The following ABLIM3 variants were observed in gnomAD, a reference collection of about 807,000 sequenced individuals.
ABLIM3 encodes the protein actin-binding LIM protein 3.
In ABLIM3, 61 loss-of-function variants were observed where a neutral mutation model predicts 109.5. The observed-to-expected ratio is 0.56, with a 90% CI of 0.45 to 0.69. The LOEUF is 0.69. ABLIM3 is among the 30% of genes least tolerant of loss of function. The pLI is 0.00. For synonymous variants in ABLIM3, 300 were observed against 324.8 expected, an observed-to-expected ratio of 0.92 and a Z score of 0.82; for missense variants, 796 against 889.5, an observed-to-expected ratio of 0.89 and a Z score of 1.34.
intron 5 of ABLIM3, 40 bp downstream of exon 5, chr5:149,200,468 G>T (rs1758390218): frequency 1.3e-6 from 2 of 1,588,226 alleles, no homozygotes; most frequent in East Asian, 4.5e-5. Context: ...CCATGGGTGT[G>T]ATCTCTCTGG....
intron 3 of ABLIM3, among the ~76,000 whole-genome samples, chr5:149,188,849 A>G (rs57268762): frequency 0.05 from 7,613 of 152,298 alleles, 578 homozygotes; most frequent in African/African-American, 0.17. Flanking sequence ...CTTCTTTGCC[A>G]AAATTGATGG....
Position 149,258,968 on chromosome 5 carries a change from A to G in ABLIM3, c.*564A>G. 1 of 991,266 alleles carries G rather than the reference A, an allele frequency of 1.0e-6. No individual in the cohort carries two copies. Among genetic ancestry groups the G allele is most frequent in the Non-Finnish European group, 1.2e-6 (1 of 833,660 alleles). The allele number at this position is 991,266 out of a possible 1,614,324, so 61.4% of individuals were successfully genotyped here. A position where few individuals can be genotyped will look rare whatever the true frequency, so the allele number is the denominator to read the frequency against. ...GAGCCTCAAATCTAGTCATTACACC[A>G]GTCAACAGAAGTGGACAGGGCCTAG... On this transcript the variant is annotated 3_prime_UTR_variant, in exon 24 of 24. Transcript: ENST00000309868.
intron 8 of ABLIM3, among the ~76,000 whole-genome samples, chr5:149,227,253 G>C (rs1445052223): frequency 6.6e-6 from 1 of 152,080 alleles, no homozygotes; most frequent in Non-Finnish European, 1.5e-5. Context: ...TTAATACCTG[G>C]CTGACAGATA....
At chr5:149,216,253 A>C (rs1760068476) in intron 7 of ABLIM3, among the ~76,000 whole-genome samples, 1 of 152,256 alleles carries the variant, frequency 6.6e-6, no homozygotes, top group Middle Eastern at 3.4e-3. Flanking sequence ...TAATACTTTA[A>C]GTGTCTTGAG....
intron 10 of ABLIM3, among the ~76,000 whole-genome samples, chr5:149,235,620 A>G (rs1024146021): frequency 5.3e-5 from 8 of 152,196 alleles, no homozygotes; most frequent in Non-Finnish European, 1.2e-4. Flanking sequence ...ATGGGTCGAG[A>G]TGAGTTTGGA....
At position 149,198,171 on chromosome 5, in the gene ABLIM3, A is replaced by T. The variant is rs1328877587; in HGVS notation, c.152-48A>T. On this transcript the variant is annotated intron_variant, in intron 3 of 23. Coordinates refer to ENST00000309868, the MANE Select transcript of ABLIM3 (RefSeq NM_014945.5). The surrounding 1 kb of genome is among the most constrained non-coding windows in gnomAD (Gnocchi z 4.2). ...CCCAGCGAGGACCTTCTGCTTACAG[A>T]CCCTCCCTGGACTCAACCTGCCCTT... 6.4e-7 allele frequency: 1 copy of T among 1,556,148 alleles called. No homozygotes were observed. Among genetic ancestry groups the T allele is most frequent in the African/African-American group, 1.4e-5 (1 of 73,166 alleles).
intron 6 of ABLIM3, among the ~76,000 whole-genome samples, chr5:149,208,370 C>CTCTCTCTCTCTCTCAA (rs1759206269): frequency 6.8e-6 from 1 of 146,526 alleles, no homozygotes; most frequent in African/African-American, 2.7e-5. Flanking sequence ...CTCTCTCTCT[C>CTCTCTCTCTCTCTCAA]TCTCTCTCTC....
At chr5:149,240,646 T>C (rs781174527) in intron 13 of ABLIM3, 30 bp from the exon 14 acceptor site, 1 of 1,584,080 alleles carries the variant, frequency 6.3e-7, no homozygotes, top group South Asian at 1.1e-5. Context: ...GCCTCTGTTT[T>C]CTTTGGCGAC....
chr5:149,254,139 T>A (rs1754219127), intron 23 of ABLIM3, among the ~76,000 whole-genome samples: 1 of 152,150 alleles, frequency 6.6e-6, no homozygotes, highest in South Asian at 2.1e-4. Context: ...ACGTGGGGAT[T>A]ATTACAATTC....
chr5:149,147,275 G>A (rs1485624934), intron 2 of ABLIM3, among the ~76,000 whole-genome samples: 1 of 152,116 alleles, frequency 6.6e-6, no homozygotes, highest in Non-Finnish European at 1.5e-5. Context: ...TTATCATGAA[G>A]GGGTGTTGGA....
intron 3 of ABLIM3, among the ~76,000 whole-genome samples, chr5:149,194,607 T>C (rs115185256): frequency 0.038 from 5,759 of 152,200 alleles, 333 homozygotes; most frequent in African/African-American, 0.13. Context: ...TGAAAATGAG[T>C]GAACTGCAGT....
At chr5:149,214,575 C>A (rs374435495) in intron 7 of ABLIM3, among the ~76,000 whole-genome samples, 19 of 152,070 alleles carry the variant, frequency 1.2e-4, no homozygotes, top group African/African-American at 4.1e-4. Flanking sequence ...AAGAGGTAGC[C>A]CCACCAAGGA....
chr5:149,246,416 A>C (rs1753359078), intron 16 of ABLIM3, 66 bp from the exon 17 acceptor site: 1 of 1,499,734 alleles, frequency 6.7e-7, no homozygotes. Context: ...TTTTAAAAAA[A>C]AAATGCCTTA....
At chr5:149,241,890 G>A (rs1322957989) in intron 14 of ABLIM3, among the ~76,000 whole-genome samples, 3 of 152,206 alleles carry the variant, frequency 2.0e-5, no homozygotes, top group Non-Finnish European at 4.4e-5. Context: ...GGGGCTACAG[G>A]ACTGAGTGGG....
chr5:149,248,813 T>C (rs1343899851), intron 18 of ABLIM3, among the ~76,000 whole-genome samples: 8 of 151,832 alleles, frequency 5.3e-5, no homozygotes, highest in Non-Finnish European at 1.0e-4. Context: ...AGGGGCTTTA[T>C]TCAAATACTT....
intron 2 of ABLIM3, among the ~76,000 whole-genome samples, chr5:149,145,549 T>C (rs1752831696): frequency 6.6e-6 from 1 of 152,184 alleles, no homozygotes; most frequent in African/African-American, 2.4e-5. Flanking sequence ...CTGTTTTAAG[T>C]TCTTTGAGAA....
chr5:149,199,731 G>A (rs1758320487), intron 4 of ABLIM3, among the ~76,000 whole-genome samples: 1 of 152,244 alleles, frequency 6.6e-6, no homozygotes, highest in Non-Finnish European at 1.5e-5. Context: ...GGCGAGAACA[G>A]CTCAACAGTA....
intron 6 of ABLIM3, among the ~76,000 whole-genome samples, chr5:149,208,267 T>C (rs1422672451): frequency 1.3e-5 from 2 of 152,234 alleles, no homozygotes; most frequent in Admixed American, 1.3e-4. Context: ...AGAGGCACAC[T>C]GGCTTCAGAC....
chr5:149,245,975 C>T (rs1753315958), intron 16 of ABLIM3, among the ~76,000 whole-genome samples: 1 of 152,072 alleles, frequency 6.6e-6, no homozygotes, highest in African/African-American at 2.4e-5. Flanking sequence ...CCAGCCTGGA[C>T]AACATAGCAC....
Sources: gnomAD v4.1 joint callset for allele counts (sites outside exome capture counted in the v4.1 genomes callset) on GRCh38, gnomAD v4.1.1 for gene constraint, Gnocchi (gnomAD v3.1) non-coding constraint, MANE v1.5 for transcripts, NCBI Gene and HGNC (gene_info 2026-07-23, HGNC 2026-07-21) for gene names.